SLC31A1: variants seen among roughly 807,000 people sequenced by gnomAD.
SLC31A1 encodes the protein solute carrier family 31 member 1, also known as high affinity copper uptake protein 1.
A neutral mutation model predicts 17.2 loss-of-function variants in SLC31A1; 5 were observed. The observed-to-expected ratio is 0.29, with a 90% CI of 0.15 to 0.61. SLC31A1 has a LOEUF of 0.61. Ranked by LOEUF, SLC31A1 falls within the 20% of genes least tolerant of loss-of-function variation. The pLI is 0.86. For synonymous variants in SLC31A1, 76 were observed against 78.8 expected (o/e 0.96, Z 0.19); for missense variants, 161 against 241.4 (o/e 0.67, Z 2.21).
intron 1 of SLC31A1, among the ~76,000 whole-genome samples, chr9:113,236,513 G>A (rs928418832): frequency 2.6e-5 from 4 of 151,924 alleles, no homozygotes; most frequent in African/African-American, 2.4e-5. Flanking sequence ...ACAGGTGCCT[G>A]CCACCACGCC....
rs566426044 is a variant in SLC31A1, at chr9:113,260,916, T to C, written c.*443T>C. The C allele has an allele frequency of 1.9e-3, 560 of 288,348 alleles. 3 individuals carry two copies. The highest frequency in any genetic ancestry group is 2.7e-3 in the Non-Finnish European group (397 of 148,326). The allele number at this position is 288,348 out of a possible 1,614,324, so 17.9% of individuals were successfully genotyped here. ...AACTTCAGCCAGGATTGATGGCAGCTGAGGGAAATTCTTGCCCAACTAAAC... is the reference window on the plus strand; with the variant it reads ...AACTTCAGCCAGGATTGATGGCAGCCGAGGGAAATTCTTGCCCAACTAAAC... On this transcript the variant is annotated 3_prime_UTR_variant, in exon 5 of 5. Coordinates refer to ENST00000374212, the MANE Select transcript of SLC31A1 (RefSeq NM_001859.4).
chr9:113,226,058 C>T (rs559769197), intron 1 of SLC31A1, among the ~76,000 whole-genome samples: 6 of 151,954 alleles, frequency 3.9e-5, no homozygotes, highest in Admixed American at 3.3e-4. Flanking sequence ...TGCTTGAGCT[C>T]CGGAGAGGCG....
rs188558510 is a variant in SLC31A1 at position 113,244,048 on chromosome 9, G to A, written c.-35-12066G>A. On this transcript the variant is annotated intron_variant, in intron 1 of 4. Transcript: ENST00000374212. Reference sequence around the variant, plus strand: ...TGGGCACCTGTAATCCCAGCTACTCGAGAGGCTGAGGCAGGAGAATCGCTT... The same window carrying A: ...TGGGCACCTGTAATCCCAGCTACTCAAGAGGCTGAGGCAGGAGAATCGCTT... Among the ~76,000 whole-genome samples, 135 of 150,550 alleles carry A rather than the reference G, an allele frequency of 9.0e-4. 1 individual carries two copies. In the South Asian group the frequency reaches 0.012, roughly 13 times the overall value.
At position 113,262,847 on chromosome 9, in the gene SLC31A1, C is replaced by T. The variant is rs1222352111; in HGVS notation, c.*2374C>T. 2 of 152,646 alleles carry T rather than the reference C, an allele frequency of 1.3e-5. No individual in the cohort carries two copies. Among genetic ancestry groups the T allele is most frequent in the East Asian group, 1.9e-4 (1 of 5,190 alleles). The allele number at this position is 152,646 out of a possible 1,614,324, so 9.5% of individuals were successfully genotyped here. On this transcript the variant is annotated 3_prime_UTR_variant, in exon 5 of 5. Coordinates refer to ENST00000374212, the MANE Select transcript of SLC31A1 (RefSeq NM_001859.4). ...TCAGCATGAGCTGCTATAGAATACC[C>T]TCCCAGCAACAAAACCTAATCAGTA...
At chr9:113,234,428 C>T (rs1338209998) in intron 1 of SLC31A1, among the ~76,000 whole-genome samples, 2 of 150,356 alleles carry the variant, frequency 1.3e-5, no homozygotes, top group African/African-American at 4.9e-5. Flanking sequence ...CCACCCACCT[C>T]AGCCTCCCAA....
At chr9:113,250,638 C>T (rs1472521364) in intron 1 of SLC31A1, among the ~76,000 whole-genome samples, 14 of 147,794 alleles carry the variant, frequency 9.5e-5, no homozygotes, top group African/African-American at 1.5e-4. Flanking sequence ...TGTAACTAAC[C>T]TGCACATTGT....
chr9:113,234,558 C>T (rs1347558893), intron 1 of SLC31A1, among the ~76,000 whole-genome samples: 1 of 124,248 alleles, frequency 8.0e-6, no homozygotes, highest in Non-Finnish European at 1.6e-5. Context: ...TACTAAGTAT[C>T]TATGTTGTAC....
intron 2 of SLC31A1, among the ~76,000 whole-genome samples, chr9:113,256,887 T>C (rs1487830750): frequency 6.0e-5 from 9 of 149,266 alleles, no homozygotes; most frequent in Non-Finnish European, 1.3e-4. Context: ...AAGATAAAAG[T>C]TGATGGTGGG....
At position 113,262,306 on chromosome 9, in the gene SLC31A1, A is replaced by G. The variant is rs1431569915; in HGVS notation, c.*1833A>G. 1 of 152,660 alleles carries G rather than the reference A, an allele frequency of 6.6e-6. No homozygotes were observed. The highest frequency in any genetic ancestry group is 1.5e-5 in the Non-Finnish European group (1 of 68,046). The allele number at this position is 152,660 out of a possible 1,614,324, so 9.5% of individuals were successfully genotyped here. On this transcript the variant is annotated 3_prime_UTR_variant, in exon 5 of 5. Coordinates refer to ENST00000374212, the MANE Select transcript of SLC31A1 (RefSeq NM_001859.4). Reference sequence around the variant, plus strand: ...GCCAAAACCCCTGTTCTCAGTGAAGAACCACATTGGATTTGTATTCTGTTC... The same window carrying G: ...GCCAAAACCCCTGTTCTCAGTGAAGGACCACATTGGATTTGTATTCTGTTC...
rs143362872 is a variant in SLC31A1 at position 113,257,162 on chromosome 9, G to A, written c.179G>A (p.Gly60Asp). 3.1e-6 allele frequency: 5 copies of A among 1,613,724 alleles called. No homozygotes were observed. In the African/African-American group the frequency reaches 6.7e-5, roughly 22 times the overall value. The change falls in exon 3 of 5, where the codon GGT becomes GAT. Residue 60 changes from glycine to aspartate, a missense_variant. Gly to Asp is a moderately conservative substitution (Grantham distance 94, BLOSUM62 -1). Transcript: ENST00000374212. The part of the protein sequence containing the change: ...GFKNVELLFS[G>D]LVINTAGEMA... Reference sequence around the variant, plus strand: ...AAGAATGTGGAACTACTGTTTTCCGGTTTGGTGATCAATACAGCTGGAGGT... The same window carrying A: ...AAGAATGTGGAACTACTGTTTTCCGATTTGGTGATCAATACAGCTGGAGGT...
intron 1 of SLC31A1, among the ~76,000 whole-genome samples, chr9:113,225,882 G>T (rs1831334619): frequency 6.6e-6 from 1 of 152,088 alleles, no homozygotes; most frequent in Non-Finnish European, 1.5e-5. Flanking sequence ...AGGTGTGGTG[G>T]CTCCCGCCTG....
intron 1 of SLC31A1, among the ~76,000 whole-genome samples, chr9:113,254,520 G>A (rs1473160874): frequency 6.6e-6 from 1 of 152,084 alleles, no homozygotes; most frequent in Non-Finnish European, 1.5e-5. Context: ...CTGGACTTGA[G>A]GGACACATAA....
intron 1 of SLC31A1, among the ~76,000 whole-genome samples, chr9:113,232,818 T>G (rs1831415968): frequency 6.6e-6 from 1 of 151,654 alleles, no homozygotes; most frequent in African/African-American, 2.4e-5. Flanking sequence ...CACTCCAGCC[T>G]GGGTGACGAG....
At chr9:113,252,933 A>G (rs1453727023) in intron 1 of SLC31A1, among the ~76,000 whole-genome samples, 3 of 149,550 alleles carry the variant, frequency 2.0e-5, no homozygotes, top group African/African-American at 7.4e-5. Context: ...GGCTAGCGAA[A>G]GTCTTTTCTT....
At chr9:113,230,263 G>A (rs911021801) in intron 1 of SLC31A1, among the ~76,000 whole-genome samples, 7 of 152,134 alleles carry the variant, frequency 4.6e-5, no homozygotes, top group Non-Finnish European at 7.4e-5. Context: ...TTGGTCTGTC[G>A]CCCAGGCTGG....
At chr9:113,242,920 G>A (rs945961831) in intron 1 of SLC31A1, among the ~76,000 whole-genome samples, 13 of 152,290 alleles carry the variant, frequency 8.5e-5, no homozygotes, top group Admixed American at 6.5e-4. Flanking sequence ...TTTGTTTACA[G>A]TCTCTCTCAT....
At chr9:113,231,323 G>A (rs1831400745) in intron 1 of SLC31A1, among the ~76,000 whole-genome samples, 1 of 152,126 alleles carries the variant, frequency 6.6e-6, no homozygotes, top group African/African-American at 2.4e-5. Flanking sequence ...GAGCATTTTG[G>A]GAGACTGAGG....
intron 1 of SLC31A1, among the ~76,000 whole-genome samples, chr9:113,223,839 T>C (rs2118978804): frequency 6.6e-6 from 1 of 152,334 alleles, no homozygotes; most frequent in East Asian, 1.9e-4. Context: ...ATAACCAAGT[T>C]ATATCAGGCA....
At chr9:113,235,893 A>G (rs1022978224) in intron 1 of SLC31A1, among the ~76,000 whole-genome samples, 2 of 152,210 alleles carry the variant, frequency 1.3e-5, no homozygotes, top group African/African-American at 4.8e-5. Context: ...AGTAATATGA[A>G]CAGTATGTTC....
Sources: gnomAD v4.1 joint callset for allele counts (sites outside exome capture counted in the v4.1 genomes callset) on GRCh38, gnomAD v4.1.1 for gene constraint, MANE v1.5 for transcripts, NCBI Gene and HGNC (gene_info 2026-07-23, HGNC 2026-07-21) for gene names.